KIAA1549L: variants seen among roughly 807,000 people sequenced by gnomAD.
KIAA1549L encodes the protein KIAA1549 like.
In KIAA1549L, 88 loss-of-function variants were observed where a neutral mutation model predicts 160.7. That is an observed-to-expected ratio of 0.55 (90% CI 0.46 to 0.65). The LOEUF (loss-of-function observed/expected upper bound fraction) is 0.65. Among genes scored for constraint, KIAA1549L ranks in the 30% least tolerant of loss-of-function variants. The pLI, the probability that KIAA1549L is intolerant of heterozygous loss-of-function variation, is 0.00. For synonymous variants in KIAA1549L, 950 were observed against 976.7 expected, an observed-to-expected ratio of 0.97 and a Z score of 0.51; for missense variants, 2,258 against 2,437.5, an observed-to-expected ratio of 0.93 and a Z score of 1.55.
intron 1 of KIAA1549L, among the ~76,000 whole-genome samples, chr11:33,457,507 C>G (rs548595438): frequency 1.3e-5 from 2 of 152,172 alleles, no homozygotes; most frequent in Non-Finnish European, 1.5e-5. Flanking sequence ...ACCTTGACTC[C>G]CGCATCCTAG....
intron 13 of KIAA1549L, chr11:33,599,505 A>G (rs1850298436): frequency 6.6e-6 from 1 of 151,912 alleles, no homozygotes. Context: ...AAAAAAAAAA[A>G]AAAGAAAAGA....
rs186088287 is a variant in KIAA1549L, at chr11:33,548,276, G to A, written c.3501+397G>A. On this transcript the variant is annotated intron_variant, in intron 4 of 20. Coordinates refer to ENST00000658780, the MANE Select transcript of KIAA1549L (RefSeq NM_012194.3). The stretch of plus-strand genomic sequence containing the variant: ...TAGCTGGGCGTGGTGGCAGGTGCCT[G>A]TAATCCCAGCTACTCGGGAGGCTGA... Among the ~76,000 whole-genome samples, 524 of 152,220 alleles carry A rather than the reference G, an allele frequency of 3.4e-3. 6 individuals are homozygous for A. The highest frequency in any genetic ancestry group is 0.011 in the African/African-American group (471 of 41,542).
At position 33,542,294 on chromosome 11, in the gene KIAA1549L, C is replaced by T. The variant is rs1481550316; in HGVS notation, c.731C>T (p.Pro244Leu). The change falls in exon 2 of 21, where the codon CCT becomes CTT. Residue 244 changes from proline (P) to leucine (L), a missense_variant. Physicochemically the swap from Pro to Leu is moderately conservative, Grantham distance 98. This residue lies in a region of KIAA1549L where 540 missense variants were observed against 465.7 expected (regional missense o/e 1.16). Transcript: ENST00000658780. The part of the protein sequence containing the change: ...PPRSDIPPLL[P>L]LPPSSSLAPD... Reference sequence around the variant, plus strand: ...AGGTCAGACATTCCCCCACTCCTCCCTCTACCTCCATCCTCTTCATTGGCT... The same window carrying T: ...AGGTCAGACATTCCCCCACTCCTCCTTCTACCTCCATCCTCTTCATTGGCT... The T allele has an allele frequency of 1.1e-5, 7 of 652,080 alleles. No homozygotes were observed. The Admixed American group carries it at 1.1e-4, about 11-fold the overall frequency. 40.4% of individuals were successfully genotyped at this position (652,080 alleles called of 1,614,324 possible).
At chr11:33,577,138 A>G (rs1207929938) in intron 10 of KIAA1549L, among the ~76,000 whole-genome samples, 1 of 152,130 alleles carries the variant, frequency 6.6e-6, no homozygotes, top group Non-Finnish European at 1.5e-5. Context: ...ATCTCACGGG[A>G]GGGAGAGAAC....
intron 9 of KIAA1549L, among the ~76,000 whole-genome samples, chr11:33,573,470 C>A (rs191897877): frequency 7.6e-4 from 115 of 152,186 alleles, no homozygotes; most frequent in African/African-American, 2.6e-3. Context: ...CTTTTGTATT[C>A]ATCCATAATG....
intron 16 of KIAA1549L, among the ~76,000 whole-genome samples, chr11:33,641,042 T>C (rs1176625930): frequency 2.0e-5 from 3 of 152,196 alleles, no homozygotes; most frequent in South Asian, 2.1e-4. Context: ...TTCAGAAATA[T>C]GCCAGTGAGG....
At chr11:33,663,666 C>G (rs1220414717) in intron 20 of KIAA1549L, among the ~76,000 whole-genome samples, 1 of 152,140 alleles carries the variant, frequency 6.6e-6, no homozygotes, top group Non-Finnish European at 1.5e-5. Flanking sequence ...GCTTCCTTCT[C>G]AAAAATTTGA....
intron 12 of KIAA1549L, among the ~76,000 whole-genome samples, chr11:33,594,073 C>A (rs1268650530): frequency 1.3e-5 from 2 of 151,950 alleles, no homozygotes; most frequent in East Asian, 1.9e-4. Flanking sequence ...ATCCAAGAAG[C>A]CAAGAGAAGG....
At chr11:33,566,212 G>A (rs922118375) in intron 8 of KIAA1549L, among the ~76,000 whole-genome samples, 4 of 152,088 alleles carry the variant, frequency 2.6e-5, no homozygotes, top group African/African-American at 4.8e-5. Context: ...AAGCATCACC[G>A]AGATTCCCAT....
intron 8 of KIAA1549L, among the ~76,000 whole-genome samples, chr11:33,562,520 C>T (rs542835588): frequency 1.2e-3 from 176 of 152,222 alleles, no homozygotes; most frequent in African/African-American, 4.0e-3. Flanking sequence ...TTGGCTTCTT[C>T]GGAGACCTCT....
At chr11:33,594,115 G>A (rs1037796589) in intron 12 of KIAA1549L, among the ~76,000 whole-genome samples, 1 of 152,088 alleles carries the variant, frequency 6.6e-6, no homozygotes, top group African/African-American at 2.4e-5. Context: ...GGGATCGTCT[G>A]TATCAATTAC....
intron 1 of KIAA1549L, among the ~76,000 whole-genome samples, chr11:33,452,020 C>G (rs1211284054): frequency 2.0e-5 from 3 of 152,156 alleles, no homozygotes; most frequent in African/African-American, 7.2e-5. Flanking sequence ...GTGCCTCATT[C>G]CAAAAACCGA....
chr11:33,591,539 A>G, intron 12 of KIAA1549L, 118 bp downstream of exon 12: 1 of 776,086 alleles, frequency 1.3e-6, no homozygotes, highest in Non-Finnish European at 2.1e-6. Flanking sequence ...CTTCATGCTC[A>G]TTTTGAATAT....
intron 11 of KIAA1549L, among the ~76,000 whole-genome samples, chr11:33,587,361 T>C (rs1426298829): frequency 6.6e-6 from 1 of 152,182 alleles, no homozygotes; most frequent in East Asian, 1.9e-4. Context: ...CTCAGGTAAT[T>C]TTCCAGTTGA....
rs1197957074 is a variant in KIAA1549L at position 33,670,659 on chromosome 11, C to T, written c.*2505C>T. The T allele has an allele frequency of 6.6e-6, 1 of 152,206 alleles. No individual in the cohort carries two copies. The highest frequency in any genetic ancestry group is 2.4e-5 in the African/African-American group (1 of 41,442). The allele number at this position is 152,206 out of a possible 1,614,324, so 9.4% of individuals were successfully genotyped here. On this transcript the variant is annotated 3_prime_UTR_variant, in exon 21 of 21. Coordinates refer to ENST00000658780, the MANE Select transcript of KIAA1549L (RefSeq NM_012194.3). ...TGTGGTCCCTTCCCTGAAGAATCTCCTAACCTCATAGAGGTGAGAGAGATG... is the reference window on the plus strand; with the variant it reads ...TGTGGTCCCTTCCCTGAAGAATCTCTTAACCTCATAGAGGTGAGAGAGATG...
chr11:33,631,540 C>T (rs1030180421), intron 16 of KIAA1549L, among the ~76,000 whole-genome samples: 5 of 152,170 alleles, frequency 3.3e-5, no homozygotes, highest in Non-Finnish European at 7.3e-5. Context: ...GCCTGAGGTG[C>T]CAGAAGCCCC....
chr11:33,550,320 T>C (rs1230429875), intron 4 of KIAA1549L, among the ~76,000 whole-genome samples: 2 of 151,320 alleles, frequency 1.3e-5, no homozygotes, highest in Admixed American at 6.6e-5. Context: ...AAACATTATA[T>C]TTAATATATA....
chr11:33,471,118 T>G (rs1251352582), intron 1 of KIAA1549L, among the ~76,000 whole-genome samples: 1 of 152,148 alleles, frequency 6.6e-6, no homozygotes, highest in African/African-American at 2.4e-5. Context: ...TGCACCTGGC[T>G]AAGTTTCTTG....
rs1853953415 is a variant in KIAA1549L, at chr11:33,538,935, A to G, written c.239-2867A>G. Among the ~76,000 whole-genome samples, 9 of 152,196 alleles carry G rather than the reference A, an allele frequency of 5.9e-5. No homozygotes were observed. In the South Asian group the frequency reaches 1.9e-3, roughly 32 times the overall value. On this transcript the variant is annotated intron_variant, in intron 1 of 20. Transcript: ENST00000658780. ...GATAGCATAGGCTATTCTTAAAGGG[A>G]AGTGCCCCCGTCCTGTTCCTGTCTA...
Sources: allele counts gnomAD v4.1 joint callset (sites outside exome capture counted in the v4.1 genomes callset), GRCh38; gene constraint gnomAD v4.1.1; regional missense constraint gnomAD v4.1.1; transcripts MANE v1.5; gene names NCBI Gene and HGNC (gene_info 2026-07-23, HGNC 2026-07-21).